PTPRK: variants seen among roughly 807,000 people sequenced by gnomAD.
The protein encoded by PTPRK is protein tyrosine phosphatase receptor type K, also known as receptor-type tyrosine-protein phosphatase kappa.
PTPRK carries 75 observed loss-of-function variants against 178.0 expected under a neutral mutation model. The observed-to-expected ratio is 0.42, with a 90% CI of 0.35 to 0.51. PTPRK has a LOEUF of 0.51. Ranked by LOEUF, PTPRK falls within the 20% of genes least tolerant of loss-of-function variation. PTPRK has a pLI of 0.02. For synonymous variants in PTPRK, 637 were observed against 620.6 expected, an observed-to-expected ratio of 1.03 and a Z score of -0.39; for missense variants, 1,441 against 1,797.8, an observed-to-expected ratio of 0.80 and a Z score of 3.59.
chr6:128,061,804 T>C (rs137899951), intron 13 of PTPRK, among the ~76,000 whole-genome samples: 31 of 152,342 alleles, frequency 2.0e-4, no homozygotes, highest in African/African-American at 6.5e-4. Flanking sequence ...ATATTCTCAG[T>C]GCTGTTTCTA....
In PTPRK at chr6:128,322,298, A is replaced by G; in HGVS notation, c.236T>C (p.Ile79Thr). ...AGGGTCGTGATCTGAAGAGTCCACT[A>G]TCATATAGGAACCTGAAATGACATT... Reference protein sequence around the residue: ...PPEMPQGSYMIVDSSDHDPGE... With the variant: ...PPEMPQGSYMTVDSSDHDPGE... Residue 79 changes from isoleucine (I) to threonine (T), a missense_variant, in exon 3 of 30, where the codon ATA becomes ACA. Physicochemically the swap from Ile to Thr is moderately conservative, Grantham distance 89. Around this residue, in one of 4 missense-constraint regions of PTPRK, gnomAD observed 158 missense variants for 188.0 expected, o/e 0.84. Transcript: ENST00000368226. 1.9e-6 allele frequency: 3 copies of G among 1,578,884 alleles called. No homozygotes were observed. The highest frequency in any genetic ancestry group is 2.6e-6 in the Non-Finnish European group (3 of 1,148,802).
In PTPRK at chr6:128,286,552, A is replaced by G. The variant is rs184268625; in HGVS notation, c.495+35487T>C. On this transcript the variant is annotated intron_variant, in intron 3 of 29. Coordinates refer to ENST00000368226, the MANE Select transcript of PTPRK (RefSeq NM_002844.4). ...TATGTTCATATTTTCCTCTCTCTTGAGCACACAGCACATATTTTTAATAGC... is the reference window on the plus strand; with the variant it reads ...TATGTTCATATTTTCCTCTCTCTTGGGCACACAGCACATATTTTTAATAGC... Among the ~76,000 whole-genome samples, 522 of 152,090 alleles carry G rather than the reference A, an allele frequency of 3.4e-3. 2 individuals carry two copies. Among genetic ancestry groups the G allele is most frequent in the African/African-American group, 0.012 (499 of 41,494 alleles).
chr6:128,076,863 T>C (rs1174081871), intron 11 of PTPRK, among the ~76,000 whole-genome samples: 2 of 152,078 alleles, frequency 1.3e-5, no homozygotes, highest in Admixed American at 6.6e-5. Flanking sequence ...TGATGGTCTA[T>C]GACAAACCTG....
intron 7 of PTPRK, among the ~76,000 whole-genome samples, chr6:128,102,837 A>C (rs1023055326): frequency 2.6e-5 from 4 of 152,012 alleles, no homozygotes; most frequent in African/African-American, 9.7e-5. Flanking sequence ...CAGTAAAGTC[A>C]CTCCAGTTCA....
intron 3 of PTPRK, among the ~76,000 whole-genome samples, chr6:128,253,789 A>G (rs1583716830): frequency 1.3e-5 from 2 of 152,360 alleles, no homozygotes; most frequent in Middle Eastern, 3.4e-3. Flanking sequence ...AATTAAAATC[A>G]GTAGTTCAGC....
chr6:128,182,966 A>T (rs575629810), intron 7 of PTPRK, among the ~76,000 whole-genome samples: 9 of 152,190 alleles, frequency 5.9e-5, no homozygotes, highest in Non-Finnish European at 1.3e-4. Flanking sequence ...GGGCACAGGA[A>T]GTCAAGAGGG....
intron 11 of PTPRK, among the ~76,000 whole-genome samples, chr6:128,071,142 C>A (rs139839997): frequency 1.3e-5 from 2 of 151,026 alleles, no homozygotes; most frequent in African/African-American, 4.8e-5. Context: ...CTGCCTTTCA[C>A]GGACCTTATA....
chr6:128,031,568 C>A (rs975402699), intron 13 of PTPRK, among the ~76,000 whole-genome samples: 1 of 152,100 alleles, frequency 6.6e-6, no homozygotes, highest in Non-Finnish European at 1.5e-5. Context: ...TGGTAATTAT[C>A]TTTTGTTGTT....
At chr6:128,320,982 G>A (rs896029480) in intron 3 of PTPRK, 1 of 151,982 alleles carries the variant, frequency 6.6e-6, no homozygotes, top group African/African-American at 2.4e-5. Flanking sequence ...TCTTACCTGT[G>A]GAACCATGCC....
chr6:128,200,881 AAGGGAGGGAAGG>A (rs1367305936), intron 6 of PTPRK, among the ~76,000 whole-genome samples: 1 of 81,414 alleles, frequency 1.2e-5, no homozygotes, highest in Non-Finnish European at 2.2e-5. Flanking sequence ...GAGGAGGAAG[AAGGGAGGGAAGG>A]AGGGAGGGAG....
chr6:128,297,477 A>G (rs961539351), intron 3 of PTPRK, among the ~76,000 whole-genome samples: 3 of 152,214 alleles, frequency 2.0e-5, no homozygotes, highest in African/African-American at 7.2e-5. Flanking sequence ...AGTTGGAAGT[A>G]AAGCTCTCCT....
intron 1 of PTPRK, among the ~76,000 whole-genome samples, chr6:128,498,718 T>C (rs1467529885): frequency 1.3e-5 from 2 of 152,140 alleles, no homozygotes; most frequent in Non-Finnish European, 2.9e-5. Context: ...ACAGAATAAA[T>C]ATGGAATAAA....
chr6:128,189,235 CTTTTTT>C (rs71028115), intron 6 of PTPRK, among the ~76,000 whole-genome samples: 1 of 67,466 alleles, frequency 1.5e-5, no homozygotes, highest in Non-Finnish European at 2.6e-5. Flanking sequence ...TACTCTTTTT[CTTTTTT>C]TTTTTTTTTT....
At chr6:128,235,070 C>T (rs1812982064) in intron 5 of PTPRK, among the ~76,000 whole-genome samples, 1 of 151,844 alleles carries the variant, frequency 6.6e-6, no homozygotes, top group Admixed American at 6.6e-5. Flanking sequence ...CATCAATTAC[C>T]CTAATTGGAT....
intron 1 of PTPRK, among the ~76,000 whole-genome samples, chr6:128,444,092 C>T (rs916319383): frequency 1.3e-5 from 2 of 152,130 alleles, no homozygotes; most frequent in African/African-American, 2.4e-5. Flanking sequence ...ACCTTGTGAT[C>T]CACCTGCCTC....
chr6:128,316,197 T>C (rs1034305136), intron 3 of PTPRK, among the ~76,000 whole-genome samples: 3 of 152,204 alleles, frequency 2.0e-5, no homozygotes, highest in African/African-American at 7.2e-5. Flanking sequence ...AAATGTATTT[T>C]TTCAGATTCA....
intron 3 of PTPRK, among the ~76,000 whole-genome samples, chr6:128,285,719 T>A (rs1822387619): frequency 6.6e-6 from 1 of 151,798 alleles, no homozygotes; most frequent in African/African-American, 2.4e-5. Context: ...ACAGGAGAAT[T>A]CCTTGAACCC....
At chr6:128,118,326 C>A (rs1791897791) in intron 7 of PTPRK, among the ~76,000 whole-genome samples, 1 of 152,184 alleles carries the variant, frequency 6.6e-6, no homozygotes, top group Non-Finnish European at 1.5e-5. Flanking sequence ...CATCCAATCC[C>A]AATTTTGGAA....
chr6:128,299,591 T>C (rs890688760), intron 3 of PTPRK, among the ~76,000 whole-genome samples: 1 of 151,764 alleles, frequency 6.6e-6, no homozygotes, highest in Admixed American at 6.6e-5. Flanking sequence ...ATCTGATCTT[T>C]GACAAACCTG....
Sources: allele counts gnomAD v4.1 joint callset (sites outside exome capture counted in the v4.1 genomes callset), GRCh38; gene constraint gnomAD v4.1.1; regional missense constraint gnomAD v4.1.1; transcripts MANE v1.5; gene names NCBI Gene and HGNC (gene_info 2026-07-23, HGNC 2026-07-21).